DYDC2: variants seen among roughly 807,000 people sequenced by gnomAD.
DYDC2 encodes DPY30 domain-containing protein 2.
In DYDC2, 19 loss-of-function variants were observed where a neutral mutation model predicts 18.7. The observed-to-expected ratio is 1.02, with a 90% CI of 0.71 to 1.49. The LOEUF (loss-of-function observed/expected upper bound fraction) is 1.49. Ranked by LOEUF, DYDC2 falls within the 40% of genes most tolerant of loss-of-function variation. The pLI, the probability that DYDC2 is intolerant of heterozygous loss-of-function variation, is 0.00. For synonymous variants in DYDC2, 63 were observed against 67.6 expected (o/e 0.93, Z 0.34); for missense variants, 179 against 205.1 (o/e 0.87, Z 0.78).
intron 4 of DYDC2, among the ~76,000 whole-genome samples, chr10:80,364,710 CTA>C (rs35608768): frequency 0.1 from 15,633 of 152,176 alleles, 1,030 homozygotes; most frequent in South Asian, 0.27. Context: ...AATGTCTAGA[CTA>C]TGTGCAAGTT....
At chr10:80,345,234 T>C (rs978793309) in intron 1 of DYDC2, among the ~76,000 whole-genome samples, 14 of 152,194 alleles carry the variant, frequency 9.2e-5, no homozygotes, top group African/African-American at 2.9e-4. Context: ...AAGCTGAATA[T>C]ATCCTGATGT....
Position 80,367,892 on chromosome 10 carries a change from T to G in DYDC2, c.*941T>G, listed in dbSNP as rs778433399. The G allele has an allele frequency of 2.6e-5, 4 of 152,220 alleles. No individual in the cohort carries two copies. The highest frequency in any genetic ancestry group is 4.8e-5 in the African/African-American group (2 of 41,440). 9.4% of individuals were successfully genotyped at this position (152,220 alleles called of 1,614,324 possible). On this transcript the variant is annotated 3_prime_UTR_variant, in exon 5 of 5. Coordinates refer to ENST00000256039, the MANE Select transcript of DYDC2 (RefSeq NM_032372.6). ...TGTATTAAGTAGATTCATATTCTTG[T>G]GCAACCATCATCACCATCCGGCTGC...
chr10:80,351,843 C>T, upstream of DYDC2: 1 of 1,498,276 alleles, frequency 6.7e-7, no homozygotes, highest in African/African-American at 1.4e-5. Flanking sequence ...TAGGCTGTGC[C>T]ATGCTGAGGT....
At chr10:80,357,363 C>T (rs1660366622) in intron 1 of DYDC2, among the ~76,000 whole-genome samples, 1 of 151,640 alleles carries the variant, frequency 6.6e-6, no homozygotes, top group African/African-American at 2.4e-5. Context: ...GTGGGTGAGC[C>T]GAGGAGACTT....
chr10:80,358,519 G>A (rs530841434), intron 2 of DYDC2, among the ~76,000 whole-genome samples: 3 of 152,234 alleles, frequency 2.0e-5, no homozygotes, highest in Admixed American at 2.0e-4. Flanking sequence ...TGTTGAAAAT[G>A]GGCAATTTAG....
At position 80,367,021 on chromosome 10, in the gene DYDC2, C is replaced by T; in HGVS notation, c.*70C>T. ...AAGCCAAGAAAATGGCCAGCTAGAA[C>T]CAAGATTTAAGGGGCTGTAAAAGGC... On this transcript the variant is annotated 3_prime_UTR_variant, in exon 5 of 5. Coordinates refer to ENST00000256039, the MANE Select transcript of DYDC2 (RefSeq NM_032372.6). 6.5e-7 allele frequency: 1 copy of T among 1,538,364 alleles called. No homozygotes were observed. Among genetic ancestry groups the T allele is most frequent in the Non-Finnish European group, 8.7e-7 (1 of 1,148,354 alleles).
chr10:80,362,210 G>A lies in DYDC2; in HGVS notation c.-9-225G>A, dbSNP rs565063716. Among the ~76,000 whole-genome samples, 25 of 152,298 alleles carry A rather than the reference G, an allele frequency of 1.6e-4. No individual in the cohort carries two copies. In the East Asian group the frequency reaches 4.8e-3, roughly 29 times the overall value. ...TGGAATTAAAATGTGTCAACTTCAGGAATATGGACTCCGTCAGGAGGAGGC... is the reference window on the plus strand; with the variant it reads ...TGGAATTAAAATGTGTCAACTTCAGAAATATGGACTCCGTCAGGAGGAGGC... On this transcript the variant is annotated intron_variant, in intron 2 of 4. Transcript: ENST00000256039.
At chr10:80,346,312 A>G (rs899877330) in intron 1 of DYDC2, among the ~76,000 whole-genome samples, 2 of 152,144 alleles carry the variant, frequency 1.3e-5, no homozygotes, top group Non-Finnish European at 2.9e-5. Flanking sequence ...ACTGGGTCAT[A>G]TGGTAGCTTT....
chr10:80,361,456 G>C (rs1442917738), intron 2 of DYDC2, among the ~76,000 whole-genome samples: 1 of 152,142 alleles, frequency 6.6e-6, no homozygotes, highest in Admixed American at 6.5e-5. Context: ...AAGAAACTTT[G>C]AGACTATGCA....
chr10:80,348,922 C>T (rs1842823111), intron 1 of DYDC2, among the ~76,000 whole-genome samples: 1 of 152,016 alleles, frequency 6.6e-6, no homozygotes, highest in South Asian at 2.1e-4. Context: ...GGCGGAGTCT[C>T]GCTCTGTCGC....
chr10:80,363,150 G>A, intron 4 of DYDC2, 77 bp downstream of exon 4: 1 of 1,497,806 alleles, frequency 6.7e-7, no homozygotes, highest in Non-Finnish European at 8.9e-7. Context: ...AGTCAGCCCA[G>A]TCCCAATCCA....
Position 80,363,050 on chromosome 10 carries a change from CA to C in DYDC2, c.248del (p.Gln83ArgfsTer10). ...GAAACAGGAAGAGTATCAGATTCAA[CA>C]GAACTGTGAAAAGTGTCACAAGGTA... ...MLKQEEYQIQQNCEKCHKELT... is the reference protein window; with the variant it reads ...MLKQEEYQIQXNCEKCHKELT... On this transcript the variant is annotated frameshift_variant, in exon 4 of 5. Transcript: ENST00000256039. LOFTEE classifies it high-confidence loss of function. 6.2e-7 allele frequency: 1 copy of C among 1,613,508 alleles called. No homozygotes were observed. Among genetic ancestry groups the C allele is most frequent in the Non-Finnish European group, 8.5e-7 (1 of 1,179,836 alleles).
At chr10:80,356,923 C>T in intron 1 of DYDC2, 98 bp downstream of exon 1, 1 of 894,974 alleles carries the variant, frequency 1.1e-6, no homozygotes, top group Non-Finnish European at 1.3e-6. Flanking sequence ...AGAGGGGGCG[C>T]GGCAGAGTAG....
intron 2 of DYDC2, 28 bp downstream of exon 2, chr10:80,358,073 G>A: frequency 1.4e-5 from 14 of 985,508 alleles, no homozygotes; most frequent in Non-Finnish European, 1.7e-5. Context: ...TGGTCTGAGT[G>A]GGCTTTAAAA....
At chr10:80,357,353 G>C (rs1366448541) in intron 1 of DYDC2, among the ~76,000 whole-genome samples, 1 of 151,920 alleles carries the variant, frequency 6.6e-6, no homozygotes, top group Non-Finnish European at 1.5e-5. Flanking sequence ...GGCGCGCGGG[G>C]TGGGTGAGCC....
upstream of DYDC2, chr10:80,356,216 T>C: frequency 4.1e-6 from 4 of 978,338 alleles, no homozygotes; most frequent in Non-Finnish European, 4.9e-6. Context: ...ATAATACCCA[T>C]CTCTCCTGTG....
At chr10:80,360,575 A>G (rs1216069113) in intron 2 of DYDC2, among the ~76,000 whole-genome samples, 3 of 152,174 alleles carry the variant, frequency 2.0e-5, no homozygotes, top group African/African-American at 7.2e-5. Context: ...GTATTCAGAC[A>G]TAGACACATT....
chr10:80,358,610 G>A (rs1164141489), intron 2 of DYDC2, among the ~76,000 whole-genome samples: 2 of 152,206 alleles, frequency 1.3e-5, no homozygotes, highest in African/African-American at 4.8e-5. Context: ...TGCAGAGTTG[G>A]TGATTCTGCC....
At chr10:80,362,616 G>C (rs1489026623) in intron 3 of DYDC2, 26 bp downstream of exon 3, 1 of 1,577,396 alleles carries the variant, frequency 6.3e-7, no homozygotes, top group Non-Finnish European at 8.7e-7. Context: ...GGGACTTAGG[G>C]AGGGCCCAGC....
Sources: allele counts gnomAD v4.1 joint callset (sites outside exome capture counted in the v4.1 genomes callset), GRCh38; gene constraint gnomAD v4.1.1; transcripts MANE v1.5; gene names NCBI Gene and HGNC (gene_info 2026-07-23, HGNC 2026-07-21).